The following PFKP variants were observed in gnomAD, a reference collection of about 807,000 sequenced individuals.
PFKP encodes the protein ATP-dependent 6-phosphofructokinase, platelet type.
PFKP carries 101 observed loss-of-function variants against 94.3 expected under a neutral mutation model. The ratio of observed to expected loss-of-function variants is 1.07; its 90% CI spans 0.91 to 1.26. PFKP has a LOEUF of 1.26. Ranked by LOEUF, PFKP falls within the 50% of genes most tolerant of loss-of-function variation. The pLI, the probability that PFKP is intolerant of heterozygous loss-of-function variation, is 0.00. For synonymous variants in PFKP, 573 were observed against 432.6 expected (o/e 1.32, Z -4.03); for missense variants, 1,145 against 1,103.3 (o/e 1.04, Z -0.53).
intron 10 of PFKP, among the ~76,000 whole-genome samples, chr10:3,111,906 G>A (rs1057134062): frequency 1.3e-5 from 2 of 152,170 alleles, no homozygotes; most frequent in Admixed American, 1.3e-4. Context: ...CTCTGGCTTT[G>A]TTCTCTTGGA....
At chr10:3,135,357 T>G (rs1380151672) in intron 20 of PFKP, among the ~76,000 whole-genome samples, 3 of 152,296 alleles carry the variant, frequency 2.0e-5, no homozygotes, top group Non-Finnish European at 4.4e-5. Flanking sequence ...TTGGCTTTGA[T>G]TCTTTCTACA....
chr10:3,079,548 T>C (rs1333674877), intron 1 of PFKP, among the ~76,000 whole-genome samples: 1 of 151,886 alleles, frequency 6.6e-6, no homozygotes, highest in Non-Finnish European at 1.5e-5. Flanking sequence ...GTCCAGCTTT[T>C]AAGAATTTTA....
chr10:3,119,872 C>T lies in PFKP; in HGVS notation c.1531-20C>T. Reference sequence around the variant, plus strand: ...CCCCAGCTTCCCTCTCGCCCCACAACTCCCACGCTTGTCTGACAGGCCTAC... The same window carrying T: ...CCCCAGCTTCCCTCTCGCCCCACAATTCCCACGCTTGTCTGACAGGCCTAC... On this transcript the variant is annotated intron_variant, in intron 15 of 21. Transcript: ENST00000381125. The T allele has an allele frequency of 6.2e-7, 1 of 1,613,604 alleles. No homozygotes were observed. Among genetic ancestry groups the T allele is most frequent in the African/African-American group, 1.3e-5 (1 of 75,022 alleles).
chr10:3,135,677 G>T, intron 20 of PFKP, 59 bp from the exon 21 acceptor site: 1 of 1,031,240 alleles, frequency 9.7e-7, no homozygotes, highest in Non-Finnish European at 1.5e-6. Context: ...CCGTGATTCT[G>T]CTCCCCCACC....
chr10:3,107,347 G>T (rs537555291), intron 8 of PFKP, 38 bp downstream of exon 8: 1 of 1,322,468 alleles, frequency 7.6e-7, no homozygotes, highest in African/African-American at 1.4e-5. Flanking sequence ...CTCGGTTTCT[G>T]CCTGGAAGCA....
chr10:3,067,701 G>A lies in PFKP; in HGVS notation c.106G>A (p.Ala36Thr). Residue 36 changes from alanine to threonine, a missense_variant, in exon 1 of 22, where the codon GCT becomes ACT. This residue lies in a region of PFKP where 1,119 missense variants were observed against 1,062.8 expected (regional missense o/e 1.05). Transcript: ENST00000381125. The part of the protein sequence containing the change: ...AIGVLTSGGD[A>T]QGMNAAVRAV... ...CGGCGTGCTGACCAGCGGCGGGGATGCTCAAGGTGCGCGCCCCCCTCCCGG... is the reference window on the plus strand; with the variant it reads ...CGGCGTGCTGACCAGCGGCGGGGATACTCAAGGTGCGCGCCCCCCTCCCGG... The A allele has an allele frequency of 6.7e-7, 1 of 1,489,372 alleles. No individual in the cohort carries two copies. Among genetic ancestry groups the A allele is most frequent in the Non-Finnish European group, 9.0e-7 (1 of 1,114,688 alleles). 92.3% of individuals were successfully genotyped at this position (1,489,372 alleles called of 1,614,324 possible). A position where few individuals can be genotyped will look rare whatever the true frequency, so the allele number is the denominator to read the frequency against.
intron 17 of PFKP, among the ~76,000 whole-genome samples, chr10:3,131,632 ATT>A (rs1472527169): frequency 1.3e-5 from 2 of 151,752 alleles, no homozygotes; most frequent in Non-Finnish European, 2.9e-5. Flanking sequence ...AATTTTTTGT[ATT>A]TTTAGTAGAG....
At chr10:3,115,277 C>T (rs34920157) in intron 13 of PFKP, among the ~76,000 whole-genome samples, 11,690 of 145,478 alleles carry the variant, frequency 0.08, 1,219 homozygotes, top group South Asian at 0.19. Context: ...AAGTGTGTGT[C>T]CCACGGCGGA....
At chr10:3,132,297 G>C in intron 17 of PFKP, 83 bp from the exon 18 acceptor site, 1 of 986,396 alleles carries the variant, frequency 1.0e-6, no homozygotes, top group South Asian at 1.3e-5. Context: ...CACTTGGTTG[G>C]CACTTCCCAG....
Position 3,134,320 on chromosome 10 carries a change from A to C in PFKP, c.2023-163A>C, listed in dbSNP as rs7094648. On this transcript the variant is annotated intron_variant, in intron 19 of 21. Coordinates refer to ENST00000381125, the MANE Select transcript of PFKP (RefSeq NM_002627.5). ...GGGGAACACTTGATACTTTTTCTTA[A>C]CAGGCCAAGTTCAGGCTACGGGAAT... Among the ~76,000 whole-genome samples the C allele has an allele frequency of 7.9e-3, 1,208 of 152,344 alleles. 15 individuals carry two copies. Among genetic ancestry groups the C allele is most frequent in the African/African-American group, 0.028 (1,159 of 41,574 alleles).
At chr10:3,074,295 G>A (rs569681765) in intron 1 of PFKP, among the ~76,000 whole-genome samples, 18 of 152,302 alleles carry the variant, frequency 1.2e-4, no homozygotes, top group Non-Finnish European at 2.4e-4. Context: ...GACCTGAGAG[G>A]AAAAGCTCCT....
intron 17 of PFKP, among the ~76,000 whole-genome samples, 188 bp from the exon 18 acceptor site, chr10:3,132,192 G>A (rs1462275018): frequency 5.3e-5 from 8 of 152,198 alleles, no homozygotes; most frequent in African/African-American, 1.4e-4. Flanking sequence ...TGTCCTCAGC[G>A]TTCATCGCTG....
intron 21 of PFKP, among the ~76,000 whole-genome samples, chr10:3,136,049 AG>A (rs1487318798): frequency 6.6e-6 from 1 of 152,164 alleles, no homozygotes; most frequent in Non-Finnish European, 1.5e-5. Flanking sequence ...GTGGATCACA[AG>A]GTCAAGAGAT....
intron 1 of PFKP, among the ~76,000 whole-genome samples, chr10:3,080,349 C>G (rs1832954769): frequency 1.3e-5 from 2 of 151,992 alleles, no homozygotes; most frequent in African/African-American, 4.8e-5. Context: ...AACCCCGTCT[C>G]TACTAAAAAT....
intron 4 of PFKP, 72 bp from the exon 5 acceptor site, chr10:3,103,707 C>T: frequency 3.3e-6 from 5 of 1,502,702 alleles, no homozygotes; most frequent in Non-Finnish European, 4.6e-6. Context: ...CATTCTGCCT[C>T]ACCCCTAGTG....
intron 21 of PFKP, 33 bp downstream of exon 21, chr10:3,135,871 C>A: frequency 1.5e-6 from 2 of 1,311,284 alleles, no homozygotes; most frequent in Non-Finnish European, 1.1e-6. Flanking sequence ...GGCAATAAGA[C>A]CCCAATGTGA....
At chr10:3,125,335 ATTCTTC>A (rs142773253) in intron 16 of PFKP, 6 of 948,990 alleles carry the variant, frequency 6.3e-6, no homozygotes, top group Non-Finnish European at 8.1e-6. Flanking sequence ...AGCCGGATTT[ATTCTTC>A]TTCTTTTCTC....
chr10:3,134,378 CTAGAAA>C, intron 19 of PFKP, 99 bp from the exon 20 acceptor site: 1 of 738,046 alleles, frequency 1.4e-6, no homozygotes. Context: ...CTATAAGGAC[CTAGAAA>C]TAAAAACATG....
chr10:3,070,046 C>T lies in PFKP; in HGVS notation c.112+2339C>T, dbSNP rs140893058. 3.7e-3 allele frequency among the ~76,000 whole-genome samples: 558 copies of T among 152,366 alleles called. 4 individuals carry two copies. The highest frequency in any genetic ancestry group is 5.7e-3 in the Non-Finnish European group (390 of 68,032). Reference sequence around the variant, plus strand: ...TAGGAGACAGCTGCCCTCAGCTCTGCAGGTGGCATCAAATATGGTGGCCTC... The same window carrying T: ...TAGGAGACAGCTGCCCTCAGCTCTGTAGGTGGCATCAAATATGGTGGCCTC... On this transcript the variant is annotated intron_variant, in intron 1 of 21. Transcript: ENST00000381125.
Sources: gnomAD v4.1 joint callset for allele counts (sites outside exome capture counted in the v4.1 genomes callset) on GRCh38, gnomAD v4.1.1 for gene constraint, gnomAD v4.1.1 regional missense constraint, MANE v1.5 for transcripts, NCBI Gene and HGNC (gene_info 2026-07-23, HGNC 2026-07-21) for gene names.